ATXN7: variants seen among roughly 807,000 people sequenced by gnomAD.
ATXN7 encodes ataxin-7.
A neutral mutation model predicts 70.5 loss-of-function variants in ATXN7; 12 were observed. The observed-to-expected ratio is 0.17, with a 90% confidence interval of 0.11 to 0.28. The LOEUF (loss-of-function observed/expected upper bound fraction) is 0.28. ATXN7 is among the 10% of genes least tolerant of loss of function. The pLI, the probability that ATXN7 is intolerant of heterozygous loss-of-function variation, is 1.00. For missense variants in ATXN7, 1,256 were observed against 1,131.7 expected, an observed-to-expected ratio of 1.11 and a Z score of -1.58; for synonymous variants, 498 against 448.7, an observed-to-expected ratio of 1.11 and a Z score of -1.39.
chr3:63,865,974 C>T (rs139984721), intron 1 of ATXN7, among the ~76,000 whole-genome samples: 3,352 of 133,994 alleles, frequency 0.025, 46 homozygotes, highest in Non-Finnish European at 0.035. Context: ...GTTTCTTAAT[C>T]TTATCATAAT....
At chr3:63,964,073 AACACACACACACACACACACACACACAC>A (rs10557844) in intron 5 of ATXN7, among the ~76,000 whole-genome samples, 1 of 147,080 alleles carries the variant, frequency 6.8e-6, no homozygotes, top group Non-Finnish European at 1.5e-5. Flanking sequence ...TAGACACATA[AACACACACACACACACACACACACACAC>A]ACACACACGT....
intron 4 of ATXN7, among the ~76,000 whole-genome samples, chr3:63,924,832 G>A (rs1704653398): frequency 6.6e-6 from 1 of 152,162 alleles, no homozygotes; most frequent in African/African-American, 2.4e-5. Flanking sequence ...GAGAAATGAG[G>A]CAGTAGCAGG....
intron 4 of ATXN7, among the ~76,000 whole-genome samples, chr3:63,947,169 TTGAG>T (rs1364128062): frequency 2.6e-5 from 4 of 152,304 alleles, no homozygotes; most frequent in African/African-American, 7.2e-5. Context: ...TGGGCAAACA[TTGAG>T]TGAGCACTTC....
At chr3:63,996,558 T>C in intron 12 of ATXN7, 75 bp downstream of exon 12, 1 of 1,519,786 alleles carries the variant, frequency 6.6e-7, no homozygotes, top group South Asian at 1.2e-5. Flanking sequence ...CTCAGAAATG[T>C]GTTTGGTTGG....
intron 4 of ATXN7, among the ~76,000 whole-genome samples, chr3:63,921,112 C>T (rs529559288): frequency 6.6e-6 from 1 of 152,310 alleles, no homozygotes; most frequent in South Asian, 2.1e-4. Flanking sequence ...TTCACCCACT[C>T]ATAACGTAAA....
chr3:63,952,253 C>A, intron 4 of ATXN7, 126 bp from the exon 5 acceptor site: 1 of 553,940 alleles, frequency 1.8e-6, no homozygotes, highest in Non-Finnish European at 3.2e-6. Flanking sequence ...TGGTGGTGTA[C>A]CACATCAGTT....
At chr3:63,872,188 G>C (rs1269043081) in intron 1 of ATXN7, among the ~76,000 whole-genome samples, 1 of 152,148 alleles carries the variant, frequency 6.6e-6, no homozygotes, top group Non-Finnish European at 1.5e-5. Context: ...CTTAGAGTTT[G>C]TTATAGGAAA....
chr3:63,893,974 T>C (rs1276413773), intron 1 of ATXN7, among the ~76,000 whole-genome samples: 5 of 152,202 alleles, frequency 3.3e-5, no homozygotes, highest in African/African-American at 1.2e-4. Context: ...TTCTGGAGAA[T>C]ATGACTGCAG....
At chr3:63,997,260 A>G (rs867333522) in intron 12 of ATXN7, among the ~76,000 whole-genome samples, 2 of 152,180 alleles carry the variant, frequency 1.3e-5, no homozygotes, top group Middle Eastern at 3.2e-3. Flanking sequence ...TCAAAAAAAA[A>G]AGAGCATTTA....
At chr3:63,863,814 C>CGCAAGCTGA (rs1702309474), upstream of ATXN7, 5 of 1,234,142 alleles carry the variant, frequency 4.1e-6, no homozygotes, top group Non-Finnish European at 5.0e-6. Flanking sequence ...GCGGCGGCGG[C>CGCAAGCTGA]GGCGGCGGCG....
chr3:63,964,394 T>C (rs1422716103), intron 5 of ATXN7, among the ~76,000 whole-genome samples: 1 of 152,132 alleles, frequency 6.6e-6, no homozygotes, highest in Non-Finnish European at 1.5e-5. Context: ...AAGGAAAAAC[T>C]ATGGCCAGTT....
At chr3:63,886,627 C>T (rs189473888) in intron 1 of ATXN7, among the ~76,000 whole-genome samples, 262 of 152,306 alleles carry the variant, frequency 1.7e-3, no homozygotes, top group African/African-American at 2.2e-3. Context: ...GTCAGGTTTA[C>T]AGGAACTCTC....
rs751138006 is a variant in ATXN7 at position 63,990,867 on chromosome 3, C to T, written c.1682+8C>T. 6.2e-7 allele frequency: 1 copy of T among 1,614,196 alleles called. No individual in the cohort carries two copies. The highest frequency in any genetic ancestry group is 2.2e-5 in the East Asian group (1 of 44,882). ...GAATGCACAGCTATGGAAGTGAGTG[C>T]CTGTTGTTCTTGGGAGAGGAGCTGA... On this transcript the variant is annotated splice_region_variant and intron_variant, in intron 11 of 12. Coordinates refer to ENST00000674280, the MANE Select transcript of ATXN7 (RefSeq NM_001377405.1).
At chr3:63,999,403 C>G in intron 12 of ATXN7, 47 bp from the exon 13 acceptor site, 1 of 1,489,774 alleles carries the variant, frequency 6.7e-7, no homozygotes, top group Non-Finnish European at 9.4e-7. Flanking sequence ...AGTGTACAAA[C>G]GCTTACTTAC....
At chr3:63,976,624 A>G (rs2075392587) in intron 5 of ATXN7, among the ~76,000 whole-genome samples, 1 of 152,220 alleles carries the variant, frequency 6.6e-6, no homozygotes, top group African/African-American at 2.4e-5. Flanking sequence ...ATAGGCAAGA[A>G]AAGAAGATTT....
At chr3:63,997,587 A>G (rs529120200) in intron 12 of ATXN7, 1 of 1,511,498 alleles carries the variant, frequency 6.6e-7, no homozygotes, top group African/African-American at 1.4e-5. Context: ...TCTAACTTCC[A>G]GCTCATCTCT....
At chr3:63,997,993 A>G in intron 12 of ATXN7, 1 of 985,412 alleles carries the variant, frequency 1.0e-6, no homozygotes, top group Non-Finnish European at 1.2e-6. Flanking sequence ...TACTCATTAC[A>G]GTTTATAAGC....
chr3:63,971,604 T>C (rs2075313777), intron 5 of ATXN7, among the ~76,000 whole-genome samples: 1 of 152,220 alleles, frequency 6.6e-6, no homozygotes, highest in Non-Finnish European at 1.5e-5. Context: ...TCGATGTTCA[T>C]GTGTAGTCCA....
chr3:63,863,782 G>T, upstream of ATXN7: 1 of 1,251,838 alleles, frequency 8.0e-7, no homozygotes, highest in Non-Finnish European at 9.9e-7. Flanking sequence ...CGTCAGTCAC[G>T]GCTCCCATGG....
Sources: gnomAD v4.1 joint callset for allele counts (sites outside exome capture counted in the v4.1 genomes callset) on GRCh38, gnomAD v4.1.1 for gene constraint, MANE v1.5 for transcripts, NCBI Gene and HGNC (gene_info 2026-07-23, HGNC 2026-07-21) for gene names.